SPTAN1: variants seen among roughly 807,000 people sequenced by gnomAD.
SPTAN1 encodes the protein spectrin alpha, non-erythrocytic 1.
A neutral mutation model predicts 331.3 loss-of-function variants in SPTAN1; 61 were observed. The observed-to-expected ratio is 0.18, with a 90% CI of 0.15 to 0.23. The LOEUF is 0.23. Ranked by LOEUF, SPTAN1 falls within the 10% of genes least tolerant of loss-of-function variation. SPTAN1 has a pLI of 1.00. For missense variants in SPTAN1, 2,043 were observed against 3,147.9 expected (o/e 0.65, Z 8.40); for synonymous variants, 1,153 against 1,173.9 (o/e 0.98, Z 0.36).
chr9:128,587,533 C>A, intron 19 of SPTAN1, 73 bp from the exon 20 acceptor site: 1 of 1,197,138 alleles, frequency 8.4e-7, no homozygotes, highest in Non-Finnish European at 1.2e-6. Context: ...GGCAGGATGG[C>A]AGGTTGGCGA....
chr9:128,599,271 A>T, intron 26 of SPTAN1: 6 of 431,696 alleles, frequency 1.4e-5, no homozygotes, highest in Middle Eastern at 7.3e-4. Context: ...AGTAGCTGGA[A>T]TTCCACGCAT....
intron 19 of SPTAN1, among the ~76,000 whole-genome samples, chr9:128,586,562 T>TAC (rs2131214009): frequency 6.6e-6 from 1 of 152,274 alleles, no homozygotes; most frequent in South Asian, 2.1e-4. Context: ...TGTGCTTACA[T>TAC]ACATACTAAC....
Position 128,633,638 on chromosome 9 carries a change from CAAAT to C in SPTAN1, c.*309_*312del, listed in dbSNP as rs918694321. ...CCCAAATCTGTTTTCATGTAAAAGA[CAAAT>C]AAATGATGACTTCCCCCAAAGCTTT... On this transcript the variant is annotated 3_prime_UTR_variant, in exon 57 of 57. Coordinates refer to ENST00000372739, the MANE Select transcript of SPTAN1 (RefSeq NM_001130438.3). 17 of 1,357,884 alleles carry C rather than the reference CAAAT, an allele frequency of 1.3e-5. No homozygotes were observed. The highest frequency in any genetic ancestry group is 7.2e-5 in the African/African-American group (5 of 69,082). The allele number at this position is 1,357,884 out of a possible 1,614,324, so 84.1% of individuals were successfully genotyped here. A position where few individuals can be genotyped will look rare whatever the true frequency, so the allele number is the denominator to read the frequency against.
rs775279108 is a variant in SPTAN1, at chr9:128,594,295, C to T, written c.3336C>T (p.Ala1112=). 8.7e-6 allele frequency: 14 copies of T among 1,613,988 alleles called. No homozygotes were observed. Among genetic ancestry groups the T allele is most frequent in the Middle Eastern group, 1.6e-4 (1 of 6,084 alleles). ...AGCAATGGATCAATGAGAAGGAAGC[C>T]GCTCTGACAAGTGAGGAGGTCGGAG... ...ELQQWINEKE[A]ALTSEEVGAD... is the part of the protein sequence containing the mutation. The change falls in exon 24 of 57, where the codon GCC becomes GCT. Residue 1112 remains alanine, a synonymous_variant. Transcript: ENST00000372739.
chr9:128,555,503 G>GA (rs1367473782), intron 1 of SPTAN1: 49 of 910,480 alleles, frequency 5.4e-5, no homozygotes, highest in Non-Finnish European at 6.4e-5. Context: ...AAGAAAGGGG[G>GA]AAAAAAACCC....
chr9:128,630,217 G>T (rs765102345), intron 51 of SPTAN1, 104 bp from the exon 52 acceptor site: 2 of 1,270,126 alleles, frequency 1.6e-6, no homozygotes, highest in Non-Finnish European at 2.3e-6. Context: ...TTCCTTAAAA[G>T]GAATGTGAGG....
chr9:128,617,057 G>A (rs989880561), intron 41 of SPTAN1, among the ~76,000 whole-genome samples: 5 of 151,998 alleles, frequency 3.3e-5, no homozygotes, highest in African/African-American at 1.2e-4. Context: ...GGGCAACATG[G>A]TGAAAACTCA....
In SPTAN1 at chr9:128,629,158, G is replaced by A; in HGVS notation, c.6708-1163G>A. On this transcript the variant is annotated intron_variant, in intron 51 of 56. Transcript: ENST00000372739. This position sits in a 1 kb window ranked among gnomAD's most constrained non-coding sequence, Gnocchi z 4.9. ...ATCGTCGGGTCATTCGTGTCTATCA[G>A]TATGAAGTTGGGGATGATCTGTCTG... 2.5e-6 allele frequency: 1 copy of A among 398,762 alleles called. No homozygotes were observed. Among genetic ancestry groups the A allele is most frequent in the Middle Eastern group, 6.3e-4 (1 of 1,588 alleles). 24.7% of individuals were successfully genotyped at this position (398,762 alleles called of 1,614,324 possible). A position where few individuals can be genotyped will look rare whatever the true frequency, so the allele number is the denominator to read the frequency against.
Position 128,627,871 on chromosome 9 carries a change from G to C in SPTAN1, c.6690-54G>C. On this transcript the variant is annotated intron_variant, in intron 50 of 56. Coordinates refer to ENST00000372739, the MANE Select transcript of SPTAN1 (RefSeq NM_001130438.3). This position sits in a 1 kb window ranked among gnomAD's most constrained non-coding sequence, Gnocchi z 4.9. ...TCTTCTCTCTGTCCCCCCGATTGCT[G>C]CTGTTGTCCGGACACCACCTTGTCT... The C allele has an allele frequency of 6.2e-7, 1 of 1,608,060 alleles. No homozygotes were observed. Among genetic ancestry groups the C allele is most frequent in the Non-Finnish European group, 8.5e-7 (1 of 1,174,412 alleles).
chr9:128,581,750 AT>A lies in SPTAN1; in HGVS notation c.1462-30del, dbSNP rs759839253. The A allele has an allele frequency of 2.1e-5, 32 of 1,540,026 alleles. No homozygotes were observed. The African/African-American group carries it at 3.7e-4, about 18-fold the overall frequency. On this transcript the variant is annotated intron_variant, in intron 11 of 56. Coordinates refer to ENST00000372739, the MANE Select transcript of SPTAN1 (RefSeq NM_001130438.3). The stretch of plus-strand genomic sequence containing the variant: ...TCTTAGAAGATCAAAGGAATAGGAC[AT>A]TATTCTGAACACTTTGTTTCCTTTG...
intron 1 of SPTAN1, among the ~76,000 whole-genome samples, chr9:128,556,393 CT>C (rs1484726237): frequency 6.6e-6 from 1 of 151,908 alleles, no homozygotes; most frequent in Non-Finnish European, 1.5e-5. Context: ...CAAGGCAGGC[CT>C]TTTTATAAAT....
At position 128,595,206 on chromosome 9, in the gene SPTAN1, C is replaced by T. The variant is rs551415122; in HGVS notation, c.3414+833C>T. On this transcript the variant is annotated intron_variant, in intron 24 of 56. Transcript: ENST00000372739. Reference sequence around the variant, plus strand: ...CTCACTGCAACTTCTGCCTCCCAGGCTCAAGTGATTCTCATGCCTCAGCCA... The same window carrying T: ...CTCACTGCAACTTCTGCCTCCCAGGTTCAAGTGATTCTCATGCCTCAGCCA... Among the ~76,000 whole-genome samples, 7 of 152,152 alleles carry T rather than the reference C, an allele frequency of 4.6e-5. No individual in the cohort carries two copies. The South Asian group carries it at 1.5e-3, about 32-fold the overall frequency.
intron 1 of SPTAN1, among the ~76,000 whole-genome samples, chr9:128,561,662 C>CAAAA (rs762156669): frequency 0.19 from 3,095 of 15,954 alleles, 1,089 homozygotes; most frequent in Middle Eastern, 1. Flanking sequence ...GACTCCGTCT[C>CAAAA]AAAAAAAAAA....
rs766229911 is a variant in SPTAN1, at chr9:128,632,919, G to A, written c.7272G>A (p.Glu2424=). The change falls in exon 56 of 57, where the codon GAG becomes GAA. Residue 2424 remains glutamate, a synonymous_variant. Coordinates refer to ENST00000372739, the MANE Select transcript of SPTAN1 (RefSeq NM_001130438.3). ...GCGCCTTCCGGGCCCTCAGCTCAGA[G>A]GGAAAGCCTTACGTGACCAAGGAGG... ...IESAFRALSS[E]GKPYVTKEEL... 1.2e-6 allele frequency: 2 copies of A among 1,613,510 alleles called. No individual in the cohort carries two copies. The highest frequency in any genetic ancestry group is 1.6e-4 in the Middle Eastern group (1 of 6,062).
rs2131360582 is a variant in SPTAN1, at chr9:128,594,226, G to A, written c.3267G>A (p.Lys1089=). 6.2e-7 allele frequency: 1 copy of A among 1,614,102 alleles called. No homozygotes were observed. Among genetic ancestry groups the A allele is most frequent in the Non-Finnish European group, 8.5e-7 (1 of 1,180,028 alleles). ...AGAAGCGTAAAGGCATGTTGGAGAA[G>A]AGTTGCAAGAAGTTTATGTTGTTCC... ...LGEKRKGMLE[K]SCKKFMLFRE... Residue 1089 remains lysine, a synonymous_variant, in exon 24 of 57, where the codon AAG becomes AAA. Transcript: ENST00000372739.
chr9:128,613,910 T>C (rs1002971595), intron 40 of SPTAN1, among the ~76,000 whole-genome samples: 1 of 151,332 alleles, frequency 6.6e-6, no homozygotes, highest in African/African-American at 2.4e-5. Flanking sequence ...GCGACTGAGG[T>C]AGGAGAATCA....
intron 31 of SPTAN1, among the ~76,000 whole-genome samples, chr9:128,606,031 A>G (rs1046010514): frequency 1.3e-5 from 2 of 152,004 alleles, no homozygotes; most frequent in Non-Finnish European, 2.9e-5. Flanking sequence ...AAAGTAGTAC[A>G]TAATCAATGT....
In SPTAN1 at chr9:128,577,056, T is replaced by G; in HGVS notation, c.786-73T>G. 6.2e-7 allele frequency: 1 copy of G among 1,613,936 alleles called. No homozygotes were observed. Among genetic ancestry groups the G allele is most frequent in the Non-Finnish European group, 8.5e-7 (1 of 1,179,968 alleles). ...GTGAGCTGTCGAGGCTGACTAGGCC[T>G]TGGTCCCATGGGGTGTTCCTAGTTC... On this transcript the variant is annotated intron_variant, in intron 6 of 56. Transcript: ENST00000372739. This position sits in a 1 kb window ranked among gnomAD's most constrained non-coding sequence, Gnocchi z 4.2.
intron 1 of SPTAN1, among the ~76,000 whole-genome samples, chr9:128,556,111 C>A (rs1848611640): frequency 6.6e-6 from 1 of 151,946 alleles, no homozygotes; most frequent in Non-Finnish European, 1.5e-5. Context: ...ATCCCAGCTA[C>A]TTGGGAAGCT....
Sources: gnomAD v4.1 joint callset for allele counts (sites outside exome capture counted in the v4.1 genomes callset) on GRCh38, gnomAD v4.1.1 for gene constraint, Gnocchi (gnomAD v3.1) non-coding constraint, MANE v1.5 for transcripts, NCBI Gene and HGNC (gene_info 2026-07-23, HGNC 2026-07-21) for gene names.